The following MAPRE2 variants were observed in gnomAD, a reference collection of about 807,000 sequenced individuals.
MAPRE2 encodes the protein microtubule associated protein RP/EB family member 2.
A neutral mutation model predicts 43.2 loss-of-function variants in MAPRE2; 13 were observed. That is an observed-to-expected ratio of 0.30 (90% CI 0.20 to 0.48). MAPRE2 has a LOEUF of 0.48. MAPRE2 is among the 20% of genes least tolerant of loss of function. MAPRE2 has a pLI of 0.99. For synonymous variants in MAPRE2, 135 were observed against 148.8 expected, an observed-to-expected ratio of 0.91 and a Z score of 0.68; for missense variants, 161 against 400.2, an observed-to-expected ratio of 0.40 and a Z score of 5.10.
Position 35,070,177 on chromosome 18 carries a change from A to G in MAPRE2, c.123-18A>G. Reference sequence around the variant, plus strand: ...AGTTAATTTCCTTGTTGTTAAATAAACTTTGTTTTTTTTCTAGTTGGGGAA... The same window carrying G: ...AGTTAATTTCCTTGTTGTTAAATAAGCTTTGTTTTTTTTCTAGTTGGGGAA... On this transcript the variant is annotated intron_variant, in intron 1 of 6. Coordinates refer to ENST00000300249, the MANE Select transcript of MAPRE2 (RefSeq NM_014268.4). 6.4e-7 allele frequency: 1 copy of G among 1,573,626 alleles called. No homozygotes were observed. Among genetic ancestry groups the G allele is most frequent in the Non-Finnish European group, 8.6e-7 (1 of 1,163,770 alleles).
chr18:35,009,084 A>G (rs1436828453), intron 2 of MAPRE2, among the ~76,000 whole-genome samples: 2 of 152,188 alleles, frequency 1.3e-5, no homozygotes, highest in Non-Finnish European at 2.9e-5. Context: ...GATAGCTTCT[A>G]TCTCAGAGCA....
At chr18:35,106,296 TA>T (rs1908901342) in intron 4 of MAPRE2, among the ~76,000 whole-genome samples, 2 of 151,982 alleles carry the variant, frequency 1.3e-5, no homozygotes, top group South Asian at 4.1e-4. Flanking sequence ...ATACTTGATT[TA>T]TTTTTTTAGT....
intron 1 of MAPRE2, among the ~76,000 whole-genome samples, chr18:34,998,484 A>T (rs1036658519): frequency 2.0e-5 from 3 of 151,214 alleles, no homozygotes; most frequent in African/African-American, 7.3e-5. Context: ...CCGCCACCAC[A>T]CCCCGCTAAT....
chr18:35,115,048 G>C (rs1242241754), intron 4 of MAPRE2, among the ~76,000 whole-genome samples: 2 of 152,128 alleles, frequency 1.3e-5, no homozygotes, highest in Non-Finnish European at 2.9e-5. Flanking sequence ...TATTGGGCAG[G>C]AATCGAAAAC....
chr18:35,062,973 T>C (rs1906609987), intron 1 of MAPRE2, among the ~76,000 whole-genome samples: 1 of 152,192 alleles, frequency 6.6e-6, no homozygotes, highest in African/African-American at 2.4e-5. Flanking sequence ...TGGGAGAACA[T>C]GTTGAAAATA....
upstream of MAPRE2, chr18:35,041,268 C>T: frequency 7.5e-7 from 1 of 1,332,648 alleles, no homozygotes; most frequent in Non-Finnish European, 9.7e-7. Flanking sequence ...CACGCCGCGA[C>T]CCTGTGCGAA....
At chr18:35,103,892 G>A in intron 4 of MAPRE2, among the ~76,000 whole-genome samples, 1 of 152,154 alleles carries the variant, frequency 6.6e-6, no homozygotes, top group East Asian at 1.9e-4. Context: ...GTAGAGCCAG[G>A]AATGGCTTGA....
intron 4 of MAPRE2, among the ~76,000 whole-genome samples, chr18:35,103,602 G>T (rs1421805142): frequency 1.3e-5 from 2 of 152,154 alleles, no homozygotes; most frequent in Non-Finnish European, 2.9e-5. Flanking sequence ...TCCACATATT[G>T]ATGTAATGGA....
At chr18:35,125,725 C>T (rs898179824) in intron 4 of MAPRE2, among the ~76,000 whole-genome samples, 10 of 152,216 alleles carry the variant, frequency 6.6e-5, no homozygotes, top group Non-Finnish European at 1.2e-4. Flanking sequence ...CTATTTTGGC[C>T]GCAGAGGCCA....
At chr18:35,111,655 C>T (rs1447089319) in intron 4 of MAPRE2, among the ~76,000 whole-genome samples, 1 of 152,216 alleles carries the variant, frequency 6.6e-6, no homozygotes, top group Non-Finnish European at 1.5e-5. Flanking sequence ...TCAAGGGGAT[C>T]TAACCTTAGC....
chr18:35,012,221 AAGATAT>A (rs764519047), intron 2 of MAPRE2, among the ~76,000 whole-genome samples: 1 of 152,212 alleles, frequency 6.6e-6, no homozygotes, highest in South Asian at 2.1e-4. Flanking sequence ...GACGTTAAAA[AAGATAT>A]AGATATAGAT....
chr18:35,064,004 A>AAAAAAAAT (rs1906700136), intron 1 of MAPRE2, among the ~76,000 whole-genome samples: 1 of 83,018 alleles, frequency 1.2e-5, no homozygotes, highest in Non-Finnish European at 2.4e-5. Flanking sequence ...TCTCTTTAAA[A>AAAAAAAAT]AAAAAAAAAA....
At chr18:34,988,602 T>C (rs968519081) in intron 1 of MAPRE2, 4 of 152,170 alleles carry the variant, frequency 2.6e-5, no homozygotes, top group Non-Finnish European at 5.9e-5. Context: ...GGGCTGCAGT[T>C]GACTATTATA....
At chr18:35,095,461 G>C (rs768669574) in intron 2 of MAPRE2, among the ~76,000 whole-genome samples, 1 of 150,564 alleles carries the variant, frequency 6.6e-6, no homozygotes, top group Non-Finnish European at 1.5e-5. Flanking sequence ...TATTTCGAGT[G>C]GTTCTCTGGA....
intron 4 of MAPRE2, among the ~76,000 whole-genome samples, chr18:35,124,182 A>G (rs1241272466): frequency 6.6e-6 from 1 of 152,160 alleles, no homozygotes; most frequent in African/African-American, 2.4e-5. Flanking sequence ...GCCTCAGAAA[A>G]CTTAAAATTA....
intron 2 of MAPRE2, among the ~76,000 whole-genome samples, chr18:35,023,623 T>C (rs1395283372): frequency 6.6e-6 from 1 of 151,804 alleles, no homozygotes; most frequent in African/African-American, 2.4e-5. Context: ...TGCAGTTGTC[T>C]ACATTTCAGG....
At chr18:35,109,614 C>T (rs912330860) in intron 4 of MAPRE2, among the ~76,000 whole-genome samples, 1 of 151,978 alleles carries the variant, frequency 6.6e-6, no homozygotes, top group Non-Finnish European at 1.5e-5. Context: ...GTCTTGAAAT[C>T]TATTTTATCT....
intron 1 of MAPRE2, among the ~76,000 whole-genome samples, chr18:34,984,001 C>T (rs1434221546): frequency 7.1e-6 from 1 of 141,368 alleles, no homozygotes; most frequent in Admixed American, 7.0e-5. Context: ...GCAAGGATCA[C>T]TAAATACTAA....
chr18:34,980,568 A>G (rs2150568689), intron 1 of MAPRE2, among the ~76,000 whole-genome samples: 1 of 152,358 alleles, frequency 6.6e-6, no homozygotes, highest in Non-Finnish European at 1.5e-5. Flanking sequence ...AAACCAAAGC[A>G]TCCTGAGTAC....
Sources: allele counts gnomAD v4.1 joint callset (sites outside exome capture counted in the v4.1 genomes callset), GRCh38; gene constraint gnomAD v4.1.1; transcripts MANE v1.5; gene names NCBI Gene and HGNC (gene_info 2026-07-23, HGNC 2026-07-21).